Variants in MS4A10 observed in about 807,000 individuals in gnomAD.
The protein encoded by MS4A10 is membrane spanning 4-domains A10, also known as membrane-spanning 4-domains subfamily A member 10.
MS4A10 carries 27 observed loss-of-function variants against 27.7 expected under a neutral mutation model. The observed-to-expected ratio is 0.98, with a 90% CI of 0.72 to 1.35. The LOEUF (loss-of-function observed/expected upper bound fraction) is 1.35. MS4A10 is among the 40% of genes most tolerant of loss of function. The probability of loss-of-function intolerance (pLI) is 0.00; values close to 1 mark genes in which losing one functional copy is unlikely to be tolerated. For synonymous variants in MS4A10, 139 were observed against 131.2 expected (o/e 1.06, Z -0.41); for missense variants, 338 against 324.7 (o/e 1.04, Z -0.32).
chr11:60,786,763 G>A (rs1854347104), intron 1 of MS4A10, among the ~76,000 whole-genome samples: 1 of 152,136 alleles, frequency 6.6e-6, no homozygotes, highest in Non-Finnish European at 1.5e-5. Context: ...ACAGGCCAGT[G>A]GCAACTGTGG....
In MS4A10 at chr11:60,799,826, A is replaced by G. The variant is rs144144301; in HGVS notation, c.723-2A>G. 8 of 1,317,262 alleles carry G rather than the reference A, an allele frequency of 6.1e-6. No individual in the cohort carries two copies. The highest frequency in any genetic ancestry group is 8.7e-6 in the Non-Finnish European group (8 of 915,234). The allele number at this position is 1,317,262 out of a possible 1,614,324, so 81.6% of individuals were successfully genotyped here. A position where few individuals can be genotyped will look rare whatever the true frequency, so the allele number is the denominator to read the frequency against. ...TGCTATTAATATCTCCATTTCATGC[A>G]GGCTCAGAGAAGTTAAGCAAGTTGC... On this transcript the variant is annotated splice_acceptor_variant, in intron 7 of 7. Transcript: ENST00000308287. LOFTEE classifies it high-confidence loss of function.
intron 4 of MS4A10, 33 bp downstream of exon 4, chr11:60,792,354 T>C (rs1358489846): frequency 4.0e-6 from 6 of 1,482,114 alleles, no homozygotes. Flanking sequence ...TTCTCTTCCA[T>C]CTGAGCATGG....
chr11:60,792,434 C>A, intron 4 of MS4A10, 113 bp downstream of exon 4: 1 of 807,830 alleles, frequency 1.2e-6, no homozygotes. Flanking sequence ...TTGCTAAGAG[C>A]AGGCTCTTGC....
intron 2 of MS4A10, 112 bp from the exon 3 acceptor site, chr11:60,790,862 C>T (rs1854418361): frequency 6.9e-7 from 1 of 1,441,324 alleles, no homozygotes; most frequent in Admixed American, 2.1e-5. Context: ...CTCTGGGATC[C>T]CTAAGAGGAC....
chr11:60,795,941 A>C (rs568272526), intron 6 of MS4A10, among the ~76,000 whole-genome samples: 1 of 152,262 alleles, frequency 6.6e-6, no homozygotes, highest in South Asian at 2.1e-4. Context: ...GCCAGCTCTG[A>C]AGGCCCTGGG....
chr11:60,795,753 A>G, intron 6 of MS4A10, 88 bp downstream of exon 6: 3 of 751,976 alleles, frequency 4.0e-6, no homozygotes, highest in Non-Finnish European at 5.9e-6. Flanking sequence ...TGTGGGGGTT[A>G]CAAGAGGAGC....
At chr11:60,798,568 T>C in intron 7 of MS4A10, 54 bp downstream of exon 7, 2 of 1,365,140 alleles carry the variant, frequency 1.5e-6, no homozygotes, top group African/African-American at 1.4e-5. Context: ...GCTTGGCCCC[T>C]TCTCCCTGGC....
chr11:60,799,052 T>C (rs145082841), intron 7 of MS4A10, among the ~76,000 whole-genome samples: 1,739 of 152,310 alleles, frequency 0.011, 103 homozygotes, highest in Admixed American at 0.1. Flanking sequence ...TTGAGTCCCA[T>C]AGAAACTGTG....
At chr11:60,798,791 A>G (rs1334177385) in intron 7 of MS4A10, among the ~76,000 whole-genome samples, 3 of 152,194 alleles carry the variant, frequency 2.0e-5, no homozygotes, top group African/African-American at 7.2e-5. Context: ...ACCAGGACCC[A>G]TCGCCTTCCC....
At chr11:60,787,586 G>A (rs770951357) in intron 1 of MS4A10, among the ~76,000 whole-genome samples, 3 of 152,222 alleles carry the variant, frequency 2.0e-5, no homozygotes, top group South Asian at 2.1e-4. Flanking sequence ...TGATATGCAC[G>A]TGAGCAAACC....
Position 60,795,631 on chromosome 11 carries a change from TCACAGCCTGGAGAGGG to T in MS4A10, c.570_585del (p.Trp193HisfsTer32). ...CTCTTCCTGCCAGTGCCCACAGCTG[TCACAGCCTGGAGAGGG>T]GACTGCCCATCTGCAAAGGTAAGAC... On this transcript the variant is annotated frameshift_variant, in exon 6 of 8. Coordinates refer to ENST00000308287, the MANE Select transcript of MS4A10 (RefSeq NM_206893.4). LOFTEE classifies it high-confidence loss of function. 1 of 1,594,054 alleles carries T rather than the reference TCACAGCCTGGAGAGGG, an allele frequency of 6.3e-7. No individual in the cohort carries two copies. The highest frequency in any genetic ancestry group is 8.5e-7 in the Non-Finnish European group (1 of 1,170,128).
At chr11:60,794,124 G>A (rs1023338430) in intron 5 of MS4A10, 21 bp downstream of exon 5, 1 of 1,613,378 alleles carries the variant, frequency 6.2e-7, no homozygotes, top group Non-Finnish European at 8.5e-7. Flanking sequence ...AGGCCTGGAG[G>A]GCCCTCTGAC....
chr11:60,790,851 T>G (rs1854418053), intron 2 of MS4A10, 123 bp from the exon 3 acceptor site: 1 of 1,377,020 alleles, frequency 7.3e-7, no homozygotes, highest in Non-Finnish European at 9.9e-7. Context: ...GAGAGCCTGG[T>G]CTCTGGGATC....
At chr11:60,797,309 T>G (rs1854547607) in intron 6 of MS4A10, among the ~76,000 whole-genome samples, 1 of 152,236 alleles carries the variant, frequency 6.6e-6, no homozygotes, top group Non-Finnish European at 1.5e-5. Flanking sequence ...GTATTCATTT[T>G]CTATTGATGT....
intron 6 of MS4A10, among the ~76,000 whole-genome samples, chr11:60,798,040 CTGCCCCTAGAG>C (rs1854560019): frequency 6.6e-6 from 1 of 152,226 alleles, no homozygotes; most frequent in African/African-American, 2.4e-5. Context: ...GGCATTAGAC[CTGCCCCTAGAG>C]TGTATCCTGG....
chr11:60,786,011 T>G (rs1011715515), intron 1 of MS4A10, among the ~76,000 whole-genome samples: 1 of 151,998 alleles, frequency 6.6e-6, no homozygotes, highest in African/African-American at 2.4e-5. Context: ...AGTACAGTCG[T>G]AGGTGGTTTT....
chr11:60,789,100 A>G (rs1457800169), intron 1 of MS4A10, among the ~76,000 whole-genome samples: 1 of 152,006 alleles, frequency 6.6e-6, no homozygotes, highest in African/African-American at 2.4e-5. Flanking sequence ...TGTCCCTCCA[A>G]ACTTCCCAAA....
chr11:60,793,207 T>G (rs1400257786), intron 4 of MS4A10, among the ~76,000 whole-genome samples: 1 of 152,104 alleles, frequency 6.6e-6, no homozygotes, highest in Non-Finnish European at 1.5e-5. Flanking sequence ...AATAGAAGGA[T>G]GGTTGTGCAG....
rs1199759686 is a variant in MS4A10, at chr11:60,799,917, C to G, written c.*8C>G. 5.0e-6 allele frequency: 8 copies of G among 1,614,226 alleles called. No homozygotes were observed. In the East Asian group the frequency reaches 1.8e-4, roughly 36 times the overall value. On this transcript the variant is annotated 3_prime_UTR_variant, in exon 8 of 8. Coordinates refer to ENST00000308287, the MANE Select transcript of MS4A10 (RefSeq NM_206893.4). ...ACCCAGACTGCAAACTGAAGAGCCA[C>G]TGCCTGACAATGCCCAAACTTGGTT... is the stretch of plus-strand genomic sequence containing the variant.
Sources: gnomAD v4.1 joint callset for allele counts (sites outside exome capture counted in the v4.1 genomes callset) on GRCh38, gnomAD v4.1.1 for gene constraint, MANE v1.5 for transcripts, NCBI Gene and HGNC (gene_info 2026-07-23, HGNC 2026-07-21) for gene names.